The following VTI1A variants were observed in gnomAD, a reference collection of about 807,000 sequenced individuals.
VTI1A encodes the protein vesicle transport through interaction with t-SNAREs homolog 1A.
A neutral mutation model predicts 34.9 loss-of-function variants in VTI1A; 22 were observed. That is an observed-to-expected ratio of 0.63 (90% CI 0.45 to 0.90). The LOEUF is 0.90. Ranked by LOEUF, VTI1A falls within the 40% of genes least tolerant of loss-of-function variation. The pLI is 0.00. For synonymous variants in VTI1A, 87 were observed against 97.3 expected (o/e 0.89, Z 0.62); for missense variants, 268 against 275.6 (o/e 0.97, Z 0.20).
intron 5 of VTI1A, among the ~76,000 whole-genome samples, chr10:112,662,568 A>G (rs1428320034): frequency 6.6e-6 from 1 of 152,132 alleles, no homozygotes; most frequent in African/African-American, 2.4e-5. Flanking sequence ...ACCTTTTCCT[A>G]TAAATTCTTT....
intron 1 of VTI1A, among the ~76,000 whole-genome samples, chr10:112,454,201 A>G (rs564628280): frequency 5.3e-5 from 8 of 152,366 alleles, no homozygotes; most frequent in South Asian, 4.1e-4. Context: ...TACATTGCAC[A>G]AAGACAGGTA....
intron 5 of VTI1A, among the ~76,000 whole-genome samples, chr10:112,627,274 G>A (rs1845957583): frequency 6.6e-6 from 1 of 152,160 alleles, no homozygotes; most frequent in Non-Finnish European, 1.5e-5. Flanking sequence ...TAAGGAGATT[G>A]AAATTATCAT....
At chr10:112,628,166 C>T (rs1845994049) in intron 5 of VTI1A, among the ~76,000 whole-genome samples, 2 of 152,128 alleles carry the variant, frequency 1.3e-5, no homozygotes, top group Non-Finnish European at 2.9e-5. Context: ...AAATTATTTC[C>T]TAGTGACTGC....
At chr10:112,581,718 A>G (rs180958777) in intron 5 of VTI1A, among the ~76,000 whole-genome samples, 78 of 152,334 alleles carry the variant, frequency 5.1e-4, no homozygotes, top group Non-Finnish European at 9.6e-4. Context: ...AGCAAATAGC[A>G]CTTCCTGATG....
intron 5 of VTI1A, among the ~76,000 whole-genome samples, chr10:112,583,407 T>G (rs1844027692): frequency 6.6e-6 from 1 of 152,252 alleles, no homozygotes; most frequent in Non-Finnish European, 1.5e-5. Context: ...GGAATGCGGT[T>G]GCATTCAGGT....
intron 5 of VTI1A, among the ~76,000 whole-genome samples, chr10:112,623,053 AGGCTC>A: frequency 6.6e-6 from 1 of 152,284 alleles, no homozygotes; most frequent in East Asian, 1.9e-4. Flanking sequence ...ACACCTGAAA[AGGCTC>A]GGATTTTAAT....
At chr10:112,483,927 A>C (rs905491239) in intron 3 of VTI1A, among the ~76,000 whole-genome samples, 1 of 152,222 alleles carries the variant, frequency 6.6e-6, no homozygotes, top group African/African-American at 2.4e-5. Context: ...AAGCTCTCCT[A>C]ATTTGGATCC....
At chr10:112,801,173 G>A (rs567456168) in intron 7 of VTI1A, among the ~76,000 whole-genome samples, 3 of 152,268 alleles carry the variant, frequency 2.0e-5, no homozygotes, top group African/African-American at 7.2e-5. Context: ...GCCAGCAGGA[G>A]GTGGGAGGGT....
intron 5 of VTI1A, among the ~76,000 whole-genome samples, chr10:112,604,674 T>G (rs1845007838): frequency 6.6e-6 from 1 of 152,198 alleles, no homozygotes; most frequent in Non-Finnish European, 1.5e-5. Context: ...ACGAGTCTAT[T>G]ACTAGAAAAC....
At chr10:112,536,320 A>C (rs1850611725) in intron 4 of VTI1A, among the ~76,000 whole-genome samples, 3 of 152,216 alleles carry the variant, frequency 2.0e-5, no homozygotes. Flanking sequence ...ACCAGTTTGC[A>C]GTTAAGTCCT....
At chr10:112,676,423 C>A (rs1259866218) in intron 7 of VTI1A, among the ~76,000 whole-genome samples, 1 of 152,136 alleles carries the variant, frequency 6.6e-6, no homozygotes, top group African/African-American at 2.4e-5. Context: ...TGTGCTTCTT[C>A]TTCCCTTCTT....
Position 112,771,520 on chromosome 10 carries a change from G to A in VTI1A, c.561-43770G>A, listed in dbSNP as rs150624321. Among the ~76,000 whole-genome samples, 46 of 152,162 alleles carry A rather than the reference G, an allele frequency of 3.0e-4. No individual in the cohort carries two copies. The East Asian group carries it at 7.9e-3, about 26-fold the overall frequency. On this transcript the variant is annotated intron_variant, in intron 7 of 7. Coordinates refer to ENST00000393077, the MANE Select transcript of VTI1A (RefSeq NM_145206.4). ...GTTTGGTGGTTTCAGGGAGTTTGGG[G>A]GTACTTTTTTTCAGTAACTGCTTTA...
At chr10:112,682,333 CT>C (rs1351990618) in intron 7 of VTI1A, among the ~76,000 whole-genome samples, 1 of 152,110 alleles carries the variant, frequency 6.6e-6, no homozygotes, top group Non-Finnish European at 1.5e-5. Context: ...GTGGGCACCT[CT>C]TTTTCTTCCC....
At chr10:112,499,687 A>G (rs1342054933) in intron 3 of VTI1A, among the ~76,000 whole-genome samples, 1 of 152,148 alleles carries the variant, frequency 6.6e-6, no homozygotes, top group Non-Finnish European at 1.5e-5. Context: ...TCCCGCATTT[A>G]TTATGCTGGT....
At chr10:112,827,983 C>G in the VTI1A span, among the ~76,000 whole-genome samples, 1 of 152,156 alleles carries the variant, frequency 6.6e-6, no homozygotes, top group Non-Finnish European at 1.5e-5. Context: ...TCTGAGCTCT[C>G]ATTCTCTCAC....
At chr10:112,759,247 G>C (rs1851378702) in intron 7 of VTI1A, among the ~76,000 whole-genome samples, 1 of 152,170 alleles carries the variant, frequency 6.6e-6, no homozygotes, top group African/African-American at 2.4e-5. Context: ...GAGGAAGCCA[G>C]CTTGAACTTT....
At chr10:112,496,606 C>A (rs1014046020) in intron 3 of VTI1A, among the ~76,000 whole-genome samples, 6 of 151,918 alleles carry the variant, frequency 3.9e-5, no homozygotes, top group African/African-American at 1.5e-4. Flanking sequence ...TTATTTAAGG[C>A]AAAATTATTG....
rs10682533 is a variant in VTI1A, at chr10:112,537,311, G to GTA, written c.343-909_343-908dup. 6.9e-3 allele frequency among the ~76,000 whole-genome samples: 452 copies of GTA among 65,256 alleles called. 37 individuals are homozygous for GTA. The highest frequency in any genetic ancestry group is 0.024 in the Middle Eastern group (2 of 82). The allele number at this position is 65,256 out of a possible 152,430, so 42.8% of individuals were successfully genotyped here. A position where few individuals can be genotyped will look rare whatever the true frequency, so the allele number is the denominator to read the frequency against. On this transcript the variant is annotated intron_variant, in intron 4 of 7. Coordinates refer to ENST00000393077, the MANE Select transcript of VTI1A (RefSeq NM_145206.4). Reference sequence around the variant, plus strand: ...CATTTATATATTTCTAAGTATCTAGGTATATATATATATATATATATATAT... The same window carrying GTA: ...CATTTATATATTTCTAAGTATCTAGGTATATATATATATATATATATATATAT...
chr10:112,547,842 TTTTG>T (rs574641618), intron 5 of VTI1A, among the ~76,000 whole-genome samples: 59 of 152,306 alleles, frequency 3.9e-4, no homozygotes, highest in South Asian at 2.3e-3. Context: ...CTTTGTTTGT[TTTTG>T]TTTGTTTGTT....
Sources: gnomAD v4.1 joint callset for allele counts (sites outside exome capture counted in the v4.1 genomes callset) on GRCh38, gnomAD v4.1.1 for gene constraint, MANE v1.5 for transcripts, NCBI Gene and HGNC (gene_info 2026-07-23, HGNC 2026-07-21) for gene names.